Variants in ZRANB2 observed in about 807,000 individuals in gnomAD.
The protein encoded by ZRANB2 is zinc finger RANBP2-type containing 2.
A neutral mutation model predicts 53.4 loss-of-function variants in ZRANB2; 19 were observed. The ratio of observed to expected loss-of-function variants is 0.36; its 90% confidence interval spans 0.25 to 0.52. ZRANB2 has a LOEUF of 0.52. ZRANB2 is among the 20% of genes least tolerant of loss of function. The pLI, the probability that ZRANB2 is intolerant of heterozygous loss-of-function variation, is 0.93. For synonymous variants in ZRANB2, 145 were observed against 134.8 expected (o/e 1.08, Z -0.52); for missense variants, 309 against 401.1 (o/e 0.77, Z 1.96).
At chr1:71,076,613 A>C (rs2101050712) in intron 4 of ZRANB2, among the ~76,000 whole-genome samples, 182 bp downstream of exon 4, 1 of 152,320 alleles carries the variant, frequency 6.6e-6, no homozygotes. Flanking sequence ...TTATTTTATA[A>C]ATTGTGAAAC....
chr1:71,069,417 G>A, intron 7 of ZRANB2, 55 bp from the exon 8 acceptor site: 1 of 1,318,318 alleles, frequency 7.6e-7, no homozygotes, highest in Non-Finnish European at 1.1e-6. Flanking sequence ...TGAGCTTTGT[G>A]ATATGAACAC....
chr1:71,066,899 G>A lies in ZRANB2; in HGVS notation c.806C>T (p.Pro269Leu). ...SSRSHRGSSS[P>L]RKRSYSSSSS... ...TGAACTTGAATAAGATCTTTTTCGT[G>A]GGGAAGAAGAGCCCCTGTGGGACCT... Residue 269 changes from proline (P) to leucine (L), a missense_variant, in exon 9 of 10, where the codon CCA becomes CTA. This residue lies in a region of ZRANB2 where 211 missense variants were observed against 196.1 expected (regional missense o/e 1.08). Transcript: ENST00000370920. 6.3e-7 allele frequency: 1 copy of A among 1,599,922 alleles called. No individual in the cohort carries two copies. Among genetic ancestry groups the A allele is most frequent in the Non-Finnish European group, 8.5e-7 (1 of 1,173,694 alleles).
intron 9 of ZRANB2, chr1:71,065,906 C>A (rs1330119462): frequency 2.6e-6 from 3 of 1,134,702 alleles, no homozygotes; most frequent in African/African-American, 1.6e-5. Flanking sequence ...GAAACAAATG[C>A]AGAGAAACAA....
intron 8 of ZRANB2, among the ~76,000 whole-genome samples, chr1:71,068,696 A>G (rs962535228): frequency 6.6e-6 from 1 of 152,178 alleles, no homozygotes; most frequent in Non-Finnish European, 1.5e-5. Context: ...CTGCCGTGCA[A>G]AACAGGACCT....
chr1:71,073,078 T>C (rs1041602171), intron 4 of ZRANB2, among the ~76,000 whole-genome samples: 1 of 152,130 alleles, frequency 6.6e-6, no homozygotes, highest in South Asian at 2.1e-4. Context: ...CCTGGTTTAA[T>C]TGGTTTTAAC....
At chr1:71,065,666 G>GTTA in intron 9 of ZRANB2, 1 of 1,607,416 alleles carries the variant, frequency 6.2e-7, no homozygotes, top group Non-Finnish European at 8.5e-7. Context: ...GTATGAATAA[G>GTTA]TCAATATCAA....
In ZRANB2 at chr1:71,078,135, A is replaced by G. The variant is rs966953764; in HGVS notation, c.218+322T>C. Reference sequence around the variant, plus strand: ...TTCACACTAACTATACAGTCTAAAAATTGGGATTTTTCAATAAAGGAAGTA... The same window carrying G: ...TTCACACTAACTATACAGTCTAAAAGTTGGGATTTTTCAATAAAGGAAGTA... On this transcript the variant is annotated intron_variant, in intron 3 of 9. Transcript: ENST00000370920. 2.6e-5 allele frequency among the ~76,000 whole-genome samples: 4 copies of G among 152,184 alleles called. No homozygotes were observed. In the South Asian group the frequency reaches 8.3e-4, roughly 31 times the overall value.
At chr1:71,065,656 G>A (rs1471533791) in intron 9 of ZRANB2, 2 of 1,602,352 alleles carry the variant, frequency 1.2e-6, no homozygotes, top group African/African-American at 2.7e-5. Flanking sequence ...CATGCAGCTA[G>A]TATGAATAAG....
chr1:71,065,707 T>C, intron 9 of ZRANB2: 1 of 1,612,390 alleles, frequency 6.2e-7, no homozygotes, highest in Non-Finnish European at 8.5e-7. Context: ...TCCGTAGGGG[T>C]TGGCCCTGGG....
intron 1 of ZRANB2, among the ~76,000 whole-genome samples, chr1:71,080,297 G>C (rs1398866046): frequency 2.0e-5 from 3 of 152,050 alleles, no homozygotes; most frequent in Admixed American, 6.5e-5. Context: ...GTGCTTCTCT[G>C]CTGCAGGCAT....
In ZRANB2 at chr1:71,065,025, A is replaced by G; in HGVS notation, c.*49T>C. On this transcript the variant is annotated 3_prime_UTR_variant, in exon 10 of 10. Transcript: ENST00000370920. ...GTAAGACACCAACTTCTTTAAAAAT[A>G]TGCTTCATGCACTGTACTGGATTTT... 2 of 1,378,718 alleles carry G rather than the reference A, an allele frequency of 1.5e-6. No individual in the cohort carries two copies. The highest frequency in any genetic ancestry group is 2.0e-6 in the Non-Finnish European group (2 of 984,538). The allele number at this position is 1,378,718 out of a possible 1,614,324, so 85.4% of individuals were successfully genotyped here.
At chr1:71,069,169 T>G in intron 8 of ZRANB2, 107 bp downstream of exon 8, 1 of 858,764 alleles carries the variant, frequency 1.2e-6, no homozygotes, top group Non-Finnish European at 1.8e-6. Context: ...AATGCTAAAA[T>G]AAAATCGACA....
At chr1:71,070,751 A>G (rs562000785) in intron 7 of ZRANB2, 76 bp downstream of exon 7, 2 of 965,732 alleles carry the variant, frequency 2.1e-6, no homozygotes, top group African/African-American at 3.3e-5. Context: ...TTTCGTCAAG[A>G]AAAACAAAAT....
At chr1:71,072,044 T>C in intron 6 of ZRANB2, 77 bp downstream of exon 6, 1 of 1,537,112 alleles carries the variant, frequency 6.5e-7, no homozygotes, top group Non-Finnish European at 8.7e-7. Context: ...ACCAAGTGTC[T>C]GAGGCTGTCA....
intron 4 of ZRANB2, among the ~76,000 whole-genome samples, chr1:71,073,146 G>A (rs1661630927): frequency 6.6e-6 from 1 of 152,038 alleles, no homozygotes; most frequent in African/African-American, 2.4e-5. Context: ...GAAATTAAAT[G>A]ATTCTATTAA....
At chr1:71,075,606 G>T (rs2101049844) in intron 4 of ZRANB2, among the ~76,000 whole-genome samples, 1 of 152,112 alleles carries the variant, frequency 6.6e-6, no homozygotes, top group South Asian at 2.1e-4. Flanking sequence ...TGGCTGCGAA[G>T]AATCCCAACA....
chr1:71,075,786 T>C (rs1661695825), intron 4 of ZRANB2, among the ~76,000 whole-genome samples: 1 of 151,352 alleles, frequency 6.6e-6, no homozygotes, highest in Non-Finnish European at 1.5e-5. Flanking sequence ...AAAGGCAAAA[T>C]CACTTCCTAA....
rs775699313 is a variant in ZRANB2 at position 71,072,245 on chromosome 1, T to C, written c.389A>G (p.Lys130Arg). 6.2e-7 allele frequency: 1 copy of C among 1,609,742 alleles called. No homozygotes were observed. The highest frequency in any genetic ancestry group is 8.5e-7 in the Non-Finnish European group (1 of 1,178,802). ...TGCTTTCCCTCTGTATTTTTTCTTT[T>C]TACGTCCAAACTAGAGAAAAACAAT... ...SDGEYDEFGR[K>R]KKKYRGKAVG... Residue 130 changes from lysine (K) to arginine (R), a missense_variant, in exon 6 of 10, where the codon AAA (lysine) becomes AGA (arginine). Physicochemically the swap from Lys to Arg is conservative, Grantham distance 26 (BLOSUM62 2). This residue lies in a region of ZRANB2 where 74 missense variants were observed against 180.1 expected (regional missense o/e 0.41). Transcript: ENST00000370920.
At chr1:71,065,212 G>C (rs901248890) in intron 9 of ZRANB2, 75 bp from the exon 10 acceptor site, 1 of 1,202,934 alleles carries the variant, frequency 8.3e-7, no homozygotes, top group African/African-American at 1.6e-5. Flanking sequence ...TTAAGACTGT[G>C]AAAGTATACA....
Sources: allele counts gnomAD v4.1 joint callset (sites outside exome capture counted in the v4.1 genomes callset), GRCh38; gene constraint gnomAD v4.1.1; regional missense constraint gnomAD v4.1.1; transcripts MANE v1.5; gene names NCBI Gene and HGNC (gene_info 2026-07-23, HGNC 2026-07-21).